TMEM117: variants seen among roughly 807,000 people sequenced by gnomAD.
The protein encoded by TMEM117 is transmembrane protein 117.
TMEM117 carries 27 observed loss-of-function variants against 52.4 expected under a neutral mutation model. The ratio of observed to expected loss-of-function variants is 0.51; its 90% CI spans 0.38 to 0.71. The LOEUF (loss-of-function observed/expected upper bound fraction) is 0.71, where lower values mean the gene tolerates loss of function less well. TMEM117 is among the 30% of genes least tolerant of loss of function. The pLI is 0.00. For synonymous variants in TMEM117, 215 were observed against 206.3 expected, an observed-to-expected ratio of 1.04 and a Z score of -0.36; for missense variants, 556 against 630.5, an observed-to-expected ratio of 0.88 and a Z score of 1.26.
At chr12:44,284,083 C>T (rs373813708) in intron 5 of TMEM117, among the ~76,000 whole-genome samples, 4 of 152,196 alleles carry the variant, frequency 2.6e-5, no homozygotes, top group East Asian at 1.9e-4. Context: ...GGGAGGCTGA[C>T]GCGGGCAGAC....
chr12:44,104,597 G>C (rs553213658), intron 3 of TMEM117, among the ~76,000 whole-genome samples: 2 of 152,014 alleles, frequency 1.3e-5, no homozygotes, highest in Non-Finnish European at 2.9e-5. Context: ...GTGGCTCTGA[G>C]TTTCTGACCT....
At chr12:44,340,249 C>T (rs1951399304) in intron 6 of TMEM117, among the ~76,000 whole-genome samples, 1 of 151,988 alleles carries the variant, frequency 6.6e-6, no homozygotes, top group Admixed American at 6.6e-5. Context: ...GAAGTAAATG[C>T]ATGAAGGTAA....
chr12:43,920,206 C>T (rs1944668653), intron 2 of TMEM117, among the ~76,000 whole-genome samples: 2 of 152,108 alleles, frequency 1.3e-5, no homozygotes, highest in Non-Finnish European at 2.9e-5. Context: ...ATCTCTAAAA[C>T]GTCTTTGCAC....
intron 2 of TMEM117, among the ~76,000 whole-genome samples, chr12:43,929,529 G>A (rs919678841): frequency 5.9e-5 from 9 of 151,818 alleles, no homozygotes; most frequent in Admixed American, 5.9e-4. Context: ...CATTATTGAG[G>A]TATAATTGAC....
chr12:43,829,785 A>C, the TMEM117 span, among the ~76,000 whole-genome samples: 1 of 152,158 alleles, frequency 6.6e-6, no homozygotes, highest in Non-Finnish European at 1.5e-5. Context: ...AGGAGAAAGC[A>C]AGAGGCAGTA....
intron 3 of TMEM117, among the ~76,000 whole-genome samples, chr12:44,101,825 A>C (rs180708302): frequency 1.6e-4 from 24 of 152,094 alleles, no homozygotes; most frequent in African/African-American, 5.1e-4. Flanking sequence ...CTGTCTAGCA[A>C]TATCTAAGGT....
intron 2 of TMEM117, among the ~76,000 whole-genome samples, chr12:43,927,804 A>G (rs1353895593): frequency 2.0e-5 from 3 of 151,978 alleles, no homozygotes; most frequent in African/African-American, 4.8e-5. Flanking sequence ...ATTCTTAGTC[A>G]TATCTCTTGC....
intron 2 of TMEM117, among the ~76,000 whole-genome samples, chr12:43,915,940 T>A (rs4768054): frequency 0.11 from 16,028 of 152,058 alleles, 1,053 homozygotes; most frequent in African/African-American, 0.18. Context: ...TCACCTCCCA[T>A]CCCCACTCTA....
Position 44,299,569 on chromosome 12 carries a change from G to T in TMEM117, c.609-11G>T, listed in dbSNP as rs757965307. 6.8e-6 allele frequency: 11 copies of T among 1,613,790 alleles called. No individual in the cohort carries two copies. The highest frequency in any genetic ancestry group is 9.3e-6 in the Non-Finnish European group (11 of 1,179,836). ...CCTTATGTTCTTTAATGAGTGTCTT[G>T]TTCCTTACAGGACAGTTCTTTTTAC... is the stretch of plus-strand genomic sequence containing the variant. On this transcript the variant is annotated splice_polypyrimidine_tract_variant and intron_variant, in intron 5 of 7. Transcript: ENST00000266534.
intron 7 of TMEM117, among the ~76,000 whole-genome samples, chr12:44,377,814 A>C (rs973749900): frequency 1.3e-5 from 2 of 152,238 alleles, no homozygotes; most frequent in African/African-American, 4.8e-5. Flanking sequence ...AAACATTAAC[A>C]TCTGAGTACT....
intron 5 of TMEM117, among the ~76,000 whole-genome samples, chr12:44,266,249 C>T (rs1237243830): frequency 6.6e-6 from 1 of 152,110 alleles, no homozygotes; most frequent in African/African-American, 2.4e-5. Context: ...ATCCTACCAG[C>T]AATGAATGAT....
intron 5 of TMEM117, among the ~76,000 whole-genome samples, chr12:44,212,209 G>A (rs1008611677): frequency 6.6e-6 from 1 of 152,122 alleles, no homozygotes; most frequent in African/African-American, 2.4e-5. Context: ...TTTAAATTGT[G>A]TGCTGTTCTG....
At chr12:43,891,434 G>T (rs146740408) in intron 2 of TMEM117, among the ~76,000 whole-genome samples, 3,972 of 135,036 alleles carry the variant, frequency 0.029, 62 homozygotes, top group Middle Eastern at 0.1. Flanking sequence ...GTGCAGTGGC[G>T]TGATCTCAGC....
chr12:43,837,937 G>A (rs1283954305), intron 1 of TMEM117, among the ~76,000 whole-genome samples: 2 of 152,152 alleles, frequency 1.3e-5, no homozygotes, highest in Non-Finnish European at 2.9e-5. Context: ...TCTAGGAAGT[G>A]ATTTATAGAT....
chr12:43,923,076 C>T (rs1371570966), intron 2 of TMEM117, among the ~76,000 whole-genome samples: 1 of 152,124 alleles, frequency 6.6e-6, no homozygotes, highest in Non-Finnish European at 1.5e-5. Flanking sequence ...GAGATTTGGT[C>T]TCTAGAGAAA....
At chr12:43,861,698 G>C (rs1263552767) in intron 2 of TMEM117, among the ~76,000 whole-genome samples, 2 of 152,154 alleles carry the variant, frequency 1.3e-5, no homozygotes, top group Admixed American at 6.5e-5. Flanking sequence ...TGCAAGAAAG[G>C]GTAGTAAAAG....
intron 4 of TMEM117, among the ~76,000 whole-genome samples, chr12:44,199,250 G>A (rs2138363856): frequency 6.6e-6 from 1 of 152,286 alleles, no homozygotes; most frequent in African/African-American, 2.4e-5. Flanking sequence ...GGCGGTAAAA[G>A]TTCTCAAACA....
chr12:44,074,081 A>G (rs563879658), intron 3 of TMEM117, among the ~76,000 whole-genome samples: 8 of 152,332 alleles, frequency 5.3e-5, no homozygotes, highest in Admixed American at 2.6e-4. Flanking sequence ...TAATGAATCA[A>G]TGTACCTTCC....
At chr12:44,245,568 T>C (rs1341019977) in intron 5 of TMEM117, among the ~76,000 whole-genome samples, 1 of 151,418 alleles carries the variant, frequency 6.6e-6, no homozygotes, top group Non-Finnish European at 1.5e-5. Context: ...AACTGAATTA[T>C]TTATCAGTTC....
Sources: gnomAD v4.1 joint callset for allele counts (sites outside exome capture counted in the v4.1 genomes callset) on GRCh38, gnomAD v4.1.1 for gene constraint, MANE v1.5 for transcripts, NCBI Gene and HGNC (gene_info 2026-07-23, HGNC 2026-07-21) for gene names.